ZNF438: variants seen among roughly 807,000 people sequenced by gnomAD.
ZNF438 encodes zinc finger protein 438.
A neutral mutation model predicts 38.0 loss-of-function variants in ZNF438; 25 were observed. The ratio of observed to expected loss-of-function variants is 0.66; its 90% CI spans 0.48 to 0.92. The LOEUF (loss-of-function observed/expected upper bound fraction) is 0.92, where lower values mean the gene tolerates loss of function less well. Ranked by LOEUF, ZNF438 falls within the 40% of genes least tolerant of loss-of-function variation. The pLI, the probability that ZNF438 is intolerant of heterozygous loss-of-function variation, is 0.00. For synonymous variants in ZNF438, 372 were observed against 364.1 expected, an observed-to-expected ratio of 1.02 and a Z score of -0.25; for missense variants, 1,007 against 999.6, an observed-to-expected ratio of 1.01 and a Z score of -0.10.
At chr10:30,906,445 T>C (rs979786741) in intron 3 of ZNF438, among the ~76,000 whole-genome samples, 1 of 152,218 alleles carries the variant, frequency 6.6e-6, no homozygotes, top group Non-Finnish European at 1.5e-5. Flanking sequence ...CCTTGCTGAA[T>C]TCATTAATTA....
intron 3 of ZNF438, among the ~76,000 whole-genome samples, chr10:30,880,526 T>A (rs1295324137): frequency 6.6e-6 from 1 of 152,062 alleles, no homozygotes; most frequent in Non-Finnish European, 1.5e-5. Flanking sequence ...TCTAGAATTC[T>A]TAGACCTCTA....
chr10:30,990,279 C>T (rs1413361895), intron 1 of ZNF438, among the ~76,000 whole-genome samples: 1 of 151,824 alleles, frequency 6.6e-6, no homozygotes, highest in African/African-American at 2.4e-5. Context: ...TAAAAATATT[C>T]CAATGAATAA....
intron 1 of ZNF438, among the ~76,000 whole-genome samples, chr10:30,987,271 GATCAC>G (rs2052924949): frequency 6.9e-6 from 1 of 144,198 alleles, no homozygotes; most frequent in Non-Finnish European, 1.5e-5. Flanking sequence ...AGTAAGCTGT[GATCAC>G]ACCATTGCAC....
intron 1 of ZNF438, among the ~76,000 whole-genome samples, chr10:30,970,227 A>C (rs576346217): frequency 8.5e-5 from 13 of 152,222 alleles, no homozygotes; most frequent in African/African-American, 2.9e-4. Flanking sequence ...CTATTCTGAA[A>C]ATAACAGAAC....
At chr10:31,012,940 G>T (rs2055845981) in intron 1 of ZNF438, among the ~76,000 whole-genome samples, 1 of 152,118 alleles carries the variant, frequency 6.6e-6, no homozygotes, top group South Asian at 2.1e-4. Context: ...TGTCTTACTG[G>T]CTTGTCCTTC....
At chr10:30,860,728 TA>T (rs2035440200) in intron 4 of ZNF438, among the ~76,000 whole-genome samples, 1 of 152,186 alleles carries the variant, frequency 6.6e-6, no homozygotes, top group African/African-American at 2.4e-5. Flanking sequence ...TCAATGCGAA[TA>T]GGGTTAACAT....
At chr10:31,010,892 G>GAAAAAAAAAAAAAAAAAA (rs563189482) in intron 1 of ZNF438, among the ~76,000 whole-genome samples, 2 of 92,594 alleles carry the variant, frequency 2.2e-5, no homozygotes, top group African/African-American at 5.3e-5. Context: ...GACCCTGTTT[G>GAAAAAAAAAAAAAAAAAA]AAAAAAAAAA....
chr10:30,928,688 C>G (rs1205300743), intron 2 of ZNF438, among the ~76,000 whole-genome samples: 1 of 152,074 alleles, frequency 6.6e-6, no homozygotes, highest in Non-Finnish European at 1.5e-5. Flanking sequence ...GCTCTAAGAT[C>G]AGACCAGACA....
At chr10:30,846,430 C>T (rs1020225467) in intron 5 of ZNF438, among the ~76,000 whole-genome samples, 7 of 152,200 alleles carry the variant, frequency 4.6e-5, no homozygotes, top group South Asian at 4.1e-4. Flanking sequence ...TGAAACCTGC[C>T]GCCATGAGAG....
rs536346234 is a variant in ZNF438 at position 30,926,509 on chromosome 10, T to C, written c.-115+15066A>G. Among the ~76,000 whole-genome samples, 504 of 151,968 alleles carry C rather than the reference T, an allele frequency of 3.3e-3. 6 individuals carry two copies. The highest frequency in any genetic ancestry group is 6.0e-4 in the Non-Finnish European group (41 of 67,942). ...GGTGAAACCCCATCTCTACTAAAAA[T>C]ACAAAAATTAGCCAGGCGTGGTGGC... On this transcript the variant is annotated intron_variant, in intron 2 of 5. Transcript: ENST00000413025.
intron 1 of ZNF438, among the ~76,000 whole-genome samples, chr10:30,949,559 T>C (rs992742335): frequency 3.9e-5 from 6 of 152,130 alleles, no homozygotes; most frequent in African/African-American, 7.2e-5. Flanking sequence ...GAGGAAGATC[T>C]ACCAAGCAAA....
intron 4 of ZNF438, among the ~76,000 whole-genome samples, chr10:30,854,449 T>A (rs1210506412): frequency 6.6e-6 from 1 of 152,198 alleles, no homozygotes; most frequent in African/African-American, 2.4e-5. Flanking sequence ...AAATATTTGT[T>A]GAATTTTTAA....
At chr10:30,881,355 CAAT>C (rs2039229915) in intron 3 of ZNF438, among the ~76,000 whole-genome samples, 1 of 151,814 alleles carries the variant, frequency 6.6e-6, no homozygotes, top group South Asian at 2.1e-4. Context: ...GAAATTGAGA[CAAT>C]AAATCAGAAA....
chr10:30,903,506 A>T (rs576048087), intron 3 of ZNF438, among the ~76,000 whole-genome samples: 1 of 152,232 alleles, frequency 6.6e-6, no homozygotes, highest in Non-Finnish European at 1.5e-5. Context: ...ATTGGAAGGG[A>T]GTTACTTGCC....
rs56673889 is a variant in ZNF438 at position 30,896,295 on chromosome 10, C to CA, written c.-32+12637dup. Among the ~76,000 whole-genome samples, 292 of 106,958 alleles carry CA rather than the reference C, an allele frequency of 2.7e-3. 1 individual carries two copies. Among genetic ancestry groups the CA allele is most frequent in the East Asian group, 0.01 (35 of 3,354 alleles). 70.2% of individuals were successfully genotyped at this position (106,958 alleles called of 152,430 possible). On this transcript the variant is annotated intron_variant, in intron 3 of 5. Coordinates refer to ENST00000413025, the Ensembl canonical transcript of ZNF438. ...TGGGCAACTGAGTGAGACTCCATCT[C>CA]AAAAAAAAAAAAAAAAAAAACAAAA... is the stretch of plus-strand genomic sequence containing the variant.
chr10:30,895,418 T>C (rs1330334731), intron 3 of ZNF438, among the ~76,000 whole-genome samples: 3 of 152,204 alleles, frequency 2.0e-5, no homozygotes, highest in South Asian at 4.1e-4. Context: ...TTAGAAAAAT[T>C]AGTTTGGGTG....
intron 2 of ZNF438, among the ~76,000 whole-genome samples, chr10:30,927,084 A>G (rs1197713062): frequency 6.6e-6 from 1 of 152,220 alleles, no homozygotes; most frequent in East Asian, 1.9e-4. Context: ...TTGAGAGTAG[A>G]AGAGAGTATT....
chr10:30,928,833 T>C (rs938121549), intron 2 of ZNF438, among the ~76,000 whole-genome samples: 2 of 152,148 alleles, frequency 1.3e-5, no homozygotes, highest in Non-Finnish European at 2.9e-5. Flanking sequence ...GGTGAAGACC[T>C]GGGAGTTCAG....
At chr10:30,988,920 T>C (rs1263930213) in intron 1 of ZNF438, among the ~76,000 whole-genome samples, 1 of 152,132 alleles carries the variant, frequency 6.6e-6, no homozygotes. Flanking sequence ...AAGGTCTCTG[T>C]GGATGTAATT....
Sources: gnomAD v4.1 joint callset for allele counts (sites outside exome capture counted in the v4.1 genomes callset) on GRCh38, gnomAD v4.1.1 for gene constraint, MANE v1.5 for transcripts, NCBI Gene and HGNC (gene_info 2026-07-23, HGNC 2026-07-21) for gene names.